The following TBC1D5 variants were observed in gnomAD, a reference collection of about 807,000 sequenced individuals.
TBC1D5 encodes TBC1 domain family member 5, also known as TBC1 domain family, member 5.
Under a neutral mutation model 100.3 loss-of-function variants are expected in TBC1D5, and 75 were observed. That is an observed-to-expected ratio of 0.75 (90% CI 0.62 to 0.91). The LOEUF (loss-of-function observed/expected upper bound fraction) is 0.91, where lower values mean the gene tolerates loss of function less well. Among genes scored for constraint, TBC1D5 ranks in the 40% least tolerant of loss-of-function variants. The pLI is 0.00. For synonymous variants in TBC1D5, 323 were observed against 325.6 expected (o/e 0.99, Z 0.09); for missense variants, 910 against 942.4 (o/e 0.97, Z 0.45).
intron 15 of TBC1D5, among the ~76,000 whole-genome samples, chr3:17,286,633 C>A (rs920346791): frequency 2.6e-5 from 4 of 152,176 alleles, no homozygotes; most frequent in Non-Finnish European, 4.4e-5. Flanking sequence ...TATTTGATAT[C>A]CAGTCTTCAT....
chr3:17,546,667 A>G (rs1321860958), intron 2 of TBC1D5, among the ~76,000 whole-genome samples: 1 of 151,556 alleles, frequency 6.6e-6, no homozygotes, highest in Non-Finnish European at 1.5e-5. Flanking sequence ...TACTTAGGAG[A>G]CTGAGACTCC....
intron 1 of TBC1D5, among the ~76,000 whole-genome samples, chr3:17,649,521 G>A (rs568268630): frequency 7.9e-5 from 12 of 151,976 alleles, no homozygotes; most frequent in African/African-American, 2.4e-4. Context: ...ATATTTATGC[G>A]GCGAACAAAC....
At chr3:17,512,088 T>A (rs1489609561) in intron 2 of TBC1D5, among the ~76,000 whole-genome samples, 1 of 152,070 alleles carries the variant, frequency 6.6e-6, no homozygotes, top group Non-Finnish European at 1.5e-5. Context: ...TGTCGGTTAC[T>A]GCTATTGGGA....
intron 1 of TBC1D5, among the ~76,000 whole-genome samples, chr3:17,682,237 A>C (rs2069594383): frequency 6.6e-6 from 1 of 151,366 alleles, no homozygotes. Context: ...GCTTGAGCCC[A>C]GGAGTTCAAG....
chr3:17,234,314 A>T (rs2075685687), intron 17 of TBC1D5, among the ~76,000 whole-genome samples: 1 of 152,086 alleles, frequency 6.6e-6, no homozygotes, highest in South Asian at 2.1e-4. Context: ...CATACCCTTC[A>T]CTTGATATAC....
intron 19 of TBC1D5, among the ~76,000 whole-genome samples, chr3:17,170,318 C>T (rs949723981): frequency 1.3e-5 from 2 of 152,064 alleles, no homozygotes; most frequent in Non-Finnish European, 2.9e-5. Context: ...GCTCCCAGGC[C>T]CCCAAAGGAA....
intron 2 of TBC1D5, among the ~76,000 whole-genome samples, chr3:17,594,246 A>G (rs12152509): frequency 0.072 from 10,980 of 152,242 alleles, 807 homozygotes; most frequent in African/African-American, 0.19. Context: ...ACTCCACAAC[A>G]GAGGAAAGGA....
intron 3 of TBC1D5, among the ~76,000 whole-genome samples, chr3:17,461,513 C>T (rs2095209630): frequency 6.6e-6 from 1 of 152,180 alleles, no homozygotes; most frequent in Non-Finnish European, 1.5e-5. Context: ...AACCTACAGA[C>T]TTTTACTTCT....
At chr3:17,429,496 TATA>T (rs2094408234) in intron 3 of TBC1D5, among the ~76,000 whole-genome samples, 1 of 151,926 alleles carries the variant, frequency 6.6e-6, no homozygotes, top group African/African-American at 2.4e-5. Context: ...ATTTGATTTT[TATA>T]ATATTTACAG....
At chr3:17,734,807 C>T (rs2153993286) in intron 1 of TBC1D5, among the ~76,000 whole-genome samples, 1 of 152,254 alleles carries the variant, frequency 6.6e-6, no homozygotes, top group East Asian at 1.9e-4. Flanking sequence ...ATGGGCAACC[C>T]AGGCGTGGTG....
Position 17,452,797 on chromosome 3 carries a change from C to T in TBC1D5, c.98-24278G>A, listed in dbSNP as rs554827513. Among the ~76,000 whole-genome samples the T allele has an allele frequency of 9.9e-5, 15 of 152,068 alleles. No individual in the cohort carries two copies. The East Asian group carries it at 2.9e-3, about 29-fold the overall frequency. On this transcript the variant is annotated intron_variant, in intron 3 of 21. Transcript: ENST00000253692. ...AAAAAGAAACATCAGATTTAATCAG[C>T]AAAATAGAACAAATGGACTCAACAG...
At chr3:17,496,423 C>G (rs533089986) in intron 3 of TBC1D5, among the ~76,000 whole-genome samples, 1 of 152,084 alleles carries the variant, frequency 6.6e-6, no homozygotes, top group African/African-American at 2.4e-5. Context: ...AAATAAAGCT[C>G]GTACATGTAC....
intron 16 of TBC1D5, among the ~76,000 whole-genome samples, chr3:17,256,994 A>G (rs1320179304): frequency 6.6e-6 from 1 of 152,208 alleles, no homozygotes; most frequent in Non-Finnish European, 1.5e-5. Flanking sequence ...ATGTGGCTGT[A>G]GCATGAGAAT....
At chr3:17,220,560 T>C (rs2074160389) in intron 17 of TBC1D5, among the ~76,000 whole-genome samples, 1 of 152,176 alleles carries the variant, frequency 6.6e-6, no homozygotes, top group Non-Finnish European at 1.5e-5. Flanking sequence ...TTATGTCTTT[T>C]ATTTTTAGGG....
At chr3:17,159,888 C>T (rs1275392154) in exon 22 of TBC1D5, 1 of 152,226 alleles carries the variant, frequency 6.6e-6, no homozygotes, top group East Asian at 1.9e-4. Context: ...TCCTTATTCC[C>T]CACAGAAGGG....
At chr3:17,503,934 G>A (rs1560037250) in intron 3 of TBC1D5, among the ~76,000 whole-genome samples, 1 of 149,280 alleles carries the variant, frequency 6.7e-6, no homozygotes, top group African/African-American at 2.5e-5. Flanking sequence ...ATTCTGAGAT[G>A]GGTCATATTT....
intron 19 of TBC1D5, among the ~76,000 whole-genome samples, chr3:17,173,659 C>T (rs1381905201): frequency 6.6e-6 from 1 of 152,126 alleles, no homozygotes; most frequent in African/African-American, 2.4e-5. Context: ...GTTTCCTCCT[C>T]CCTTGGTACC....
In TBC1D5 at chr3:17,170,635, C is replaced by A. The variant is rs1047319989; in HGVS notation, c.1853-2807G>T. 2.6e-5 allele frequency among the ~76,000 whole-genome samples: 4 copies of A among 152,186 alleles called. No individual in the cohort carries two copies. The South Asian group carries it at 8.3e-4, about 32-fold the overall frequency. On this transcript the variant is annotated intron_variant, in intron 19 of 21. Transcript: ENST00000253692. ...GGCCAGGAGGAACAAGGACCAACGG[C>A]CTTTAGGTCACAGTCTATGGGCACA...
intron 9 of TBC1D5, among the ~76,000 whole-genome samples, chr3:17,383,678 A>G (rs2093039104): frequency 6.6e-6 from 1 of 152,102 alleles, no homozygotes; most frequent in Non-Finnish European, 1.5e-5. Context: ...TTGAAAGAAA[A>G]GATTGAACAC....
Sources: gnomAD v4.1 joint callset for allele counts (sites outside exome capture counted in the v4.1 genomes callset) on GRCh38, gnomAD v4.1.1 for gene constraint, MANE v1.5 for transcripts, NCBI Gene and HGNC (gene_info 2026-07-23, HGNC 2026-07-21) for gene names.